HDAC9: variants seen among roughly 807,000 people sequenced by gnomAD.
The protein encoded by HDAC9 is histone deacetylase 9.
In HDAC9, 41 loss-of-function variants were observed where a neutral mutation model predicts 139.4. The ratio of observed to expected loss-of-function variants is 0.29; its 90% confidence interval spans 0.23 to 0.38. The LOEUF (loss-of-function observed/expected upper bound fraction) is 0.38, where lower values mean the gene tolerates loss of function less well. Among genes scored for constraint, HDAC9 ranks in the 10% least tolerant of loss-of-function variants. The pLI is 1.00. For missense variants in HDAC9, 1,147 were observed against 1,297.0 expected (o/e 0.88, Z 1.78); for synonymous variants, 517 against 476.2 (o/e 1.09, Z -1.12).
At chr7:18,419,752 T>C (rs182220932) in intron 1 of HDAC9, among the ~76,000 whole-genome samples, 2 of 152,300 alleles carry the variant, frequency 1.3e-5, no homozygotes, top group African/African-American at 4.8e-5. Flanking sequence ...AATCTTTTCT[T>C]TTGCTTAAGA....
At chr7:18,230,792 C>T (rs1459066238) in intron 2 of HDAC9, among the ~76,000 whole-genome samples, 2 of 152,180 alleles carry the variant, frequency 1.3e-5, no homozygotes, top group South Asian at 4.1e-4. Context: ...AGCCTATCAT[C>T]AACATTATTC....
chr7:18,291,561 T>C (rs529033801), intron 1 of HDAC9, among the ~76,000 whole-genome samples: 3 of 152,102 alleles, frequency 2.0e-5, no homozygotes, highest in African/African-American at 7.2e-5. Flanking sequence ...AGAGTGATGG[T>C]AGGGTTGTGA....
intron 2 of HDAC9, among the ~76,000 whole-genome samples, chr7:18,568,036 A>G (rs1238364238): frequency 1.0e-4 from 15 of 143,780 alleles, no homozygotes; most frequent in African/African-American, 2.9e-4. Context: ...GTATATATAT[A>G]TATATATATA....
intron 2 of HDAC9, among the ~76,000 whole-genome samples, chr7:18,520,292 TC>T (rs1804615248): frequency 6.6e-6 from 1 of 152,188 alleles, no homozygotes; most frequent in Admixed American, 6.6e-5. Context: ...GGTAACTTTT[TC>T]TATTTTATTA....
At chr7:18,775,009 C>G (rs975953446) in intron 16 of HDAC9, among the ~76,000 whole-genome samples, 1 of 151,964 alleles carries the variant, frequency 6.6e-6, no homozygotes, top group Non-Finnish European at 1.5e-5. Context: ...GGGTTATTAA[C>G]TTGTCTAATT....
At chr7:18,783,631 A>G (rs988498815) in intron 16 of HDAC9, among the ~76,000 whole-genome samples, 1 of 151,008 alleles carries the variant, frequency 6.6e-6, no homozygotes, top group Non-Finnish European at 1.5e-5. Flanking sequence ...GTTACCACAC[A>G]AGGAATCAAC....
At chr7:18,987,223 T>C (rs542506550) in intron 25 of HDAC9, among the ~76,000 whole-genome samples, 5 of 152,236 alleles carry the variant, frequency 3.3e-5, no homozygotes, top group Non-Finnish European at 7.3e-5. Context: ...ATAGCTCTTA[T>C]TAATTTGGAA....
chr7:18,428,109 A>G (rs1790298348), intron 1 of HDAC9, among the ~76,000 whole-genome samples: 1 of 152,122 alleles, frequency 6.6e-6, no homozygotes. Context: ...TATGTATACC[A>G]CATTTTAAAA....
intron 17 of HDAC9, among the ~76,000 whole-genome samples, chr7:18,824,131 G>T (rs576914608): frequency 1.4e-5 from 2 of 142,706 alleles, no homozygotes; most frequent in East Asian, 2.1e-4. Context: ...AGACACCAGA[G>T]CCCGCTTTGT....
At position 18,890,788 on chromosome 7, in the gene HDAC9, T is replaced by C. The variant is rs905298594; in HGVS notation, c.2803+16192T>C. Among the ~76,000 whole-genome samples, 8 of 152,322 alleles carry C rather than the reference T, an allele frequency of 5.3e-5. 1 individual carries two copies. Among genetic ancestry groups the C allele is most frequent in the African/African-American group, 1.9e-4 (8 of 41,574 alleles). ...TAATATTTACTTTGGGGCTGTAACA[T>C]AGAAACTTATCTTTGATGGCACCGT... On this transcript the variant is annotated intron_variant, in intron 22 of 25. Coordinates refer to ENST00000686413, the MANE Select transcript of HDAC9 (RefSeq NM_178425.4).
chr7:18,096,891 G>GTT (rs1782541455), intron 1 of HDAC9, among the ~76,000 whole-genome samples: 1 of 145,426 alleles, frequency 6.9e-6, no homozygotes, highest in South Asian at 2.1e-4. Flanking sequence ...CTTTGTGTGT[G>GTT]TGTGTGTGTG....
Position 18,813,613 on chromosome 7 carries a change from A to T in HDAC9, c.2323-15548A>T, listed in dbSNP as rs568409173. On this transcript the variant is annotated intron_variant, in intron 17 of 25. Coordinates refer to ENST00000686413, the MANE Select transcript of HDAC9 (RefSeq NM_178425.4). ...AATACTTTCTGCACATCCACTGCTG[A>T]AAAGCTACCTAAATATCTGAGAAAG... 2.6e-5 allele frequency among the ~76,000 whole-genome samples: 4 copies of T among 152,184 alleles called. No individual in the cohort carries two copies. The South Asian group carries it at 8.3e-4, about 31-fold the overall frequency.
At chr7:18,602,425 C>T (rs1344747867) in intron 6 of HDAC9, among the ~76,000 whole-genome samples, 1 of 151,304 alleles carries the variant, frequency 6.6e-6, no homozygotes, top group Non-Finnish European at 1.5e-5. Context: ...TGAGTTTTCT[C>T]TCTTGATTTC....
intron 22 of HDAC9, 82 bp from the exon 23 acceptor site, chr7:18,935,727 A>G: frequency 7.5e-7 from 1 of 1,328,332 alleles, no homozygotes; most frequent in Middle Eastern, 1.9e-4. Flanking sequence ...TGACTTACTC[A>G]AAATACATGC....
At chr7:18,507,596 G>A (rs1013625476) in intron 2 of HDAC9, among the ~76,000 whole-genome samples, 2 of 151,938 alleles carry the variant, frequency 1.3e-5, no homozygotes, top group Non-Finnish European at 2.9e-5. Context: ...CCGGGTTCAA[G>A]CTATTCTGCC....
At chr7:18,552,898 A>G (rs1360039211) in intron 2 of HDAC9, among the ~76,000 whole-genome samples, 1 of 152,212 alleles carries the variant, frequency 6.6e-6, no homozygotes, top group Non-Finnish European at 1.5e-5. Flanking sequence ...TCCAGATGGC[A>G]TTTACCTTAA....
At chr7:18,755,960 T>C (rs1156724830) in intron 14 of HDAC9, among the ~76,000 whole-genome samples, 8 of 152,140 alleles carry the variant, frequency 5.3e-5, no homozygotes, top group Non-Finnish European at 1.0e-4. Flanking sequence ...TGTTGGTCAG[T>C]ACAGTGTCAG....
At chr7:18,950,441 G>A (rs1782711865) in intron 23 of HDAC9, among the ~76,000 whole-genome samples, 1 of 152,068 alleles carries the variant, frequency 6.6e-6, no homozygotes, top group Non-Finnish European at 1.5e-5. Flanking sequence ...ATTACAGCAG[G>A]AAACCAAGAG....
At chr7:18,788,754 A>T (rs894911352) in intron 16 of HDAC9, among the ~76,000 whole-genome samples, 4 of 16,386 alleles carry the variant, frequency 2.4e-4, no homozygotes, top group African/African-American at 3.8e-4. Flanking sequence ...GACTCTGTTT[A>T]AAAAAAAAAA....
Sources: gnomAD v4.1 joint callset for allele counts (sites outside exome capture counted in the v4.1 genomes callset) on GRCh38, gnomAD v4.1.1 for gene constraint, MANE v1.5 for transcripts, NCBI Gene and HGNC (gene_info 2026-07-23, HGNC 2026-07-21) for gene names.